APBA2: variants seen among roughly 807,000 people sequenced by gnomAD.
APBA2 encodes the protein amyloid-beta A4 precursor protein-binding family A member 2.
In APBA2, 30 loss-of-function variants were observed where a neutral mutation model predicts 75.0. The observed-to-expected ratio is 0.40, with a 90% CI of 0.30 to 0.54. The LOEUF is 0.54. APBA2 is among the 20% of genes least tolerant of loss of function. The pLI is 0.49. For missense variants in APBA2, 801 were observed against 1,016.1 expected (o/e 0.79, Z 2.88); for synonymous variants, 444 against 409.6 (o/e 1.08, Z -1.01).
intron 1 of APBA2, among the ~76,000 whole-genome samples, chr15:28,910,861 G>T (rs960898811): frequency 2.0e-5 from 3 of 152,138 alleles, no homozygotes; most frequent in African/African-American, 7.2e-5. Context: ...AAATGGGCTT[G>T]ATATGAAGTT....
At chr15:28,962,919 A>G (rs111699480) in intron 2 of APBA2, among the ~76,000 whole-genome samples, 2 of 152,156 alleles carry the variant, frequency 1.3e-5, no homozygotes. Context: ...ATATATCAGT[A>G]TGGTGTGGAA....
intron 2 of APBA2, among the ~76,000 whole-genome samples, chr15:28,948,553 T>C (rs1392735525): frequency 6.6e-6 from 1 of 152,182 alleles, no homozygotes; most frequent in African/African-American, 2.4e-5. Context: ...TCCCCGCAGC[T>C]TCACTGGCTG....
chr15:29,116,640 AAAAG>A (rs1489728557), intron 14 of APBA2, among the ~76,000 whole-genome samples: 5 of 151,766 alleles, frequency 3.3e-5, no homozygotes, highest in Admixed American at 1.3e-4. Context: ...AAAAAAAAAA[AAAAG>A]AAGGGGTGCG....
At chr15:29,035,251 C>T (rs369474938) in intron 3 of APBA2, among the ~76,000 whole-genome samples, 27 of 152,130 alleles carry the variant, frequency 1.8e-4, no homozygotes, top group African/African-American at 4.1e-4. Context: ...GGCTTGCTAC[C>T]GGGGCAGAGA....
chr15:28,924,218 T>A (rs142799726), intron 2 of APBA2, among the ~76,000 whole-genome samples: 6 of 152,218 alleles, frequency 3.9e-5, no homozygotes, highest in South Asian at 4.1e-4. Context: ...CAGTTTCTCA[T>A]GATGAGATAT....
chr15:29,082,787 A>C (rs538719660), intron 6 of APBA2, among the ~76,000 whole-genome samples: 49 of 152,296 alleles, frequency 3.2e-4, no homozygotes, highest in Non-Finnish European at 1.8e-4. Context: ...TTGGCCAGGC[A>C]CAGTGGCTCA....
At chr15:29,098,376 A>G in intron 8 of APBA2, 114 bp from the exon 9 acceptor site, 1 of 761,898 alleles carries the variant, frequency 1.3e-6, no homozygotes, top group Non-Finnish European at 2.4e-6. Flanking sequence ...TTGTGGTTTT[A>G]ATTTGGATTT....
intron 3 of APBA2, among the ~76,000 whole-genome samples, chr15:29,014,190 T>C (rs1045747603): frequency 6.6e-6 from 1 of 152,298 alleles, no homozygotes; most frequent in East Asian, 1.9e-4. Context: ...TCCTATTCCA[T>C]CTCACTTCGC....
At chr15:28,887,701 C>T (rs974331347) in intron 1 of APBA2, among the ~76,000 whole-genome samples, 1 of 152,114 alleles carries the variant, frequency 6.6e-6, no homozygotes, top group Admixed American at 6.5e-5. Flanking sequence ...GGACCTGGAA[C>T]GCTGGGGCTC....
At chr15:29,037,971 G>A (rs913282832) in intron 3 of APBA2, among the ~76,000 whole-genome samples, 2 of 152,116 alleles carry the variant, frequency 1.3e-5, no homozygotes, top group African/African-American at 2.4e-5. Context: ...TGTTATAATG[G>A]CAATCAAATT....
At chr15:28,937,577 A>G (rs1018614906) in intron 2 of APBA2, among the ~76,000 whole-genome samples, 1 of 152,196 alleles carries the variant, frequency 6.6e-6, no homozygotes, top group East Asian at 1.9e-4. Flanking sequence ...GTGCCTGGTC[A>G]CTAGAGTTAG....
In APBA2 at chr15:28,949,142, G is replaced by A. The variant is rs3894533; in HGVS notation, c.-95+27393G>A. Reference sequence around the variant, plus strand: ...GGGTGGTAAAGGAATCAATCACCCGGACAGGTTGTCCGTTCATGTGCCGTT... The same window carrying A: ...GGGTGGTAAAGGAATCAATCACCCGAACAGGTTGTCCGTTCATGTGCCGTT... On this transcript the variant is annotated intron_variant, in intron 2 of 14. Coordinates refer to ENST00000683413, the MANE Select transcript of APBA2 (RefSeq NM_001353788.2). Among the ~76,000 whole-genome samples the A allele has an allele frequency of 4.9e-3, 749 of 152,004 alleles. 6 individuals carry two copies. Among genetic ancestry groups the A allele is most frequent in the African/African-American group, 0.017 (711 of 41,468 alleles).
intron 6 of APBA2, among the ~76,000 whole-genome samples, chr15:29,079,875 G>A (rs1406542623): frequency 6.6e-6 from 1 of 152,186 alleles, no homozygotes; most frequent in African/African-American, 2.4e-5. Context: ...CCTCGTTGGG[G>A]CCTGGTGTCC....
At chr15:29,063,121 A>G (rs1399757259) in intron 4 of APBA2, among the ~76,000 whole-genome samples, 1 of 76,954 alleles carries the variant, frequency 1.3e-5, no homozygotes. Context: ...CAGTGTCTGT[A>G]TGGGTGGGGA....
chr15:28,922,672 A>G (rs570716322), intron 2 of APBA2, among the ~76,000 whole-genome samples: 96 of 151,990 alleles, frequency 6.3e-4, no homozygotes, highest in Non-Finnish European at 9.3e-4. Flanking sequence ...TGGCCTCCCC[A>G]TGGTTTCGAT....
intron 3 of APBA2, among the ~76,000 whole-genome samples, chr15:29,019,300 G>A (rs2039833403): frequency 6.6e-6 from 1 of 152,194 alleles, no homozygotes; most frequent in Non-Finnish European, 1.5e-5. Flanking sequence ...CCCTGTTGGT[G>A]TGTTACTTAT....
Position 28,997,454 on chromosome 15 carries a change from T to G in APBA2, c.-41+1648T>G, listed in dbSNP as rs112726444. 2.1e-3 allele frequency among the ~76,000 whole-genome samples: 326 copies of G among 152,336 alleles called. 2 individuals are homozygous for G. The highest frequency in any genetic ancestry group is 7.6e-3 in the African/African-American group (316 of 41,582). On this transcript the variant is annotated intron_variant, in intron 3 of 14. Transcript: ENST00000683413. ...AAACATACTTCAGCCGTAATGACAT[T>G]AGATACATCATCCACTCTCAGCTCT...
intron 1 of APBA2, among the ~76,000 whole-genome samples, chr15:28,894,285 C>G (rs1190975518): frequency 2.6e-5 from 4 of 152,178 alleles, no homozygotes. Flanking sequence ...TAGGTATTTT[C>G]TGAGCAGCTA....
Position 29,094,279 on chromosome 15 carries a change from G to A in APBA2, c.1217G>A (p.Arg406Lys), listed in dbSNP as rs1208750640. 1 of 1,614,222 alleles carries A rather than the reference G, an allele frequency of 6.2e-7. No individual in the cohort carries two copies. The highest frequency in any genetic ancestry group is 8.5e-7 in the Non-Finnish European group (1 of 1,180,020). The stretch of plus-strand genomic sequence containing the variant: ...TTCTTTTCTCTTCCATGCTGTCAGA[G>A]GATGCAAAAGGCTGCTAAGATCAAG... ...QAQEAVSRVK[R>K]MQKAAKIKKK... The change falls in exon 8 of 15, where the codon AGG becomes AAG. Residue 406 changes from arginine (R) to lysine (K), a missense_variant and splice_region_variant. Physicochemically the swap from Arg to Lys is conservative, Grantham distance 26 (BLOSUM62 2). This residue lies in a region of APBA2 where 367 missense variants were observed against 544.5 expected (regional missense o/e 0.67). Coordinates refer to ENST00000683413, the MANE Select transcript of APBA2 (RefSeq NM_001353788.2).
Sources: gnomAD v4.1 joint callset for allele counts (sites outside exome capture counted in the v4.1 genomes callset) on GRCh38, gnomAD v4.1.1 for gene constraint, gnomAD v4.1.1 regional missense constraint, MANE v1.5 for transcripts, NCBI Gene and HGNC (gene_info 2026-07-23, HGNC 2026-07-21) for gene names.